The following HDAC4 variants were observed in gnomAD, a reference collection of about 807,000 sequenced individuals.
The protein encoded by HDAC4 is histone deacetylase A.
HDAC4 carries 16 observed loss-of-function variants against 135.1 expected under a neutral mutation model. The ratio of observed to expected loss-of-function variants is 0.12; its 90% confidence interval spans 0.08 to 0.18. HDAC4 has a LOEUF of 0.18. HDAC4 is among the 10% of genes least tolerant of loss of function. HDAC4 has a pLI of 1.00. For synonymous variants in HDAC4, 685 were observed against 653.4 expected (o/e 1.05, Z -0.74); for missense variants, 1,143 against 1,511.8 (o/e 0.76, Z 4.05).
chr2:239,263,141 C>T (rs2049476495), intron 2 of HDAC4, among the ~76,000 whole-genome samples: 1 of 152,132 alleles, frequency 6.6e-6, no homozygotes, highest in Non-Finnish European at 1.5e-5. Context: ...ATATGAAAAA[C>T]ACTACCCTCC....
At position 239,390,407 on chromosome 2, in the gene HDAC4, G is replaced by A. The variant is rs113606462; in HGVS notation, c.-220+10571C>T. On this transcript the variant is annotated intron_variant, in intron 1 of 26. Coordinates refer to ENST00000543185, the MANE Select transcript of HDAC4 (RefSeq NM_001378414.1). The stretch of plus-strand genomic sequence containing the variant: ...AAATTAGCCAGCCATGGTGGCATGC[G>A]TCTTTGGTTCCAGCTAATCAGGCAG... Among the ~76,000 whole-genome samples the A allele has an allele frequency of 8.5e-4, 130 of 152,282 alleles. 1 individual carries two copies. The highest frequency in any genetic ancestry group is 2.9e-3 in the African/African-American group (122 of 41,546).
At chr2:239,087,465 A>G (rs2036087048) in intron 19 of HDAC4, 94 bp downstream of exon 19, 2 of 1,262,122 alleles carry the variant, frequency 1.6e-6, no homozygotes, top group South Asian at 1.3e-5. Flanking sequence ...ACAGCAGCCC[A>G]GCTCCCCGCA....
At chr2:239,374,983 T>A (rs1367409718) in intron 1 of HDAC4, among the ~76,000 whole-genome samples, 13 of 151,982 alleles carry the variant, frequency 8.6e-5, no homozygotes, top group African/African-American at 2.9e-4. Context: ...AAGACCCAGG[T>A]GAGGGGTGAC....
At chr2:239,401,162 C>A (rs1696970273), upstream of HDAC4, among the ~76,000 whole-genome samples, 1 of 151,842 alleles carries the variant, frequency 6.6e-6, no homozygotes, top group South Asian at 2.1e-4. Flanking sequence ...ATGAAGAGCT[C>A]GTCAATTACG....
At chr2:239,301,979 C>CACA (rs1355772618) in intron 2 of HDAC4, among the ~76,000 whole-genome samples, 1 of 151,838 alleles carries the variant, frequency 6.6e-6, no homozygotes, top group Non-Finnish European at 1.5e-5. Context: ...AACAAAAAAA[C>CACA]ACAACAACAA....
intron 2 of HDAC4, among the ~76,000 whole-genome samples, chr2:239,315,307 T>C (rs555049138): frequency 2.3e-4 from 35 of 152,308 alleles, no homozygotes; most frequent in Admixed American, 1.3e-3. Flanking sequence ...CTCTTGAGGC[T>C]GTGTCACAGG....
chr2:239,082,244 T>C (rs374987780), intron 20 of HDAC4, 23 bp from the exon 21 acceptor site: 1 of 1,614,138 alleles, frequency 6.2e-7, no homozygotes, highest in Non-Finnish European at 8.5e-7. Flanking sequence ...GGACAACTAC[T>C]TCAGGGCTGA....
chr2:239,274,309 G>T (rs2050225642), intron 2 of HDAC4, among the ~76,000 whole-genome samples: 1 of 152,116 alleles, frequency 6.6e-6, no homozygotes, highest in Non-Finnish European at 1.5e-5. Context: ...AGAGCCAGGG[G>T]ACCTCATGGC....
chr2:239,114,403 A>G (rs2038947921), intron 13 of HDAC4, among the ~76,000 whole-genome samples: 1 of 152,188 alleles, frequency 6.6e-6, no homozygotes, highest in Non-Finnish European at 1.5e-5. Flanking sequence ...CACTTTCCTG[A>G]GGGCACTCTA....
At chr2:239,259,705 C>T (rs1160115169) in intron 2 of HDAC4, among the ~76,000 whole-genome samples, 3 of 152,140 alleles carry the variant, frequency 2.0e-5, no homozygotes, top group Non-Finnish European at 2.9e-5. Context: ...AGATATAGAC[C>T]GAAGTGACAA....
chr2:239,136,490 AT>A (rs1247781455), intron 9 of HDAC4, among the ~76,000 whole-genome samples: 5 of 152,220 alleles, frequency 3.3e-5, no homozygotes, highest in African/African-American at 1.2e-4. Flanking sequence ...TGAAAGATCC[AT>A]GGCTAAGACC....
At chr2:239,194,696 T>G (rs1339532555) in intron 3 of HDAC4, among the ~76,000 whole-genome samples, 3 of 152,234 alleles carry the variant, frequency 2.0e-5, no homozygotes, top group Admixed American at 6.5e-5. Context: ...CCTTCCATTC[T>G]GTGACAGCAC....
intron 2 of HDAC4, among the ~76,000 whole-genome samples, chr2:239,342,787 A>T (rs1374362155): frequency 6.6e-6 from 1 of 152,146 alleles, no homozygotes; most frequent in Non-Finnish European, 1.5e-5. Context: ...GAACAAAGCC[A>T]CCATAAGCCA....
chr2:239,276,329 G>T (rs756306489), intron 2 of HDAC4, among the ~76,000 whole-genome samples: 2 of 152,194 alleles, frequency 1.3e-5, no homozygotes, highest in South Asian at 4.1e-4. Context: ...CAACAGAGAG[G>T]CCTGTCTAAC....
chr2:239,348,686 C>T (rs1226106490), intron 2 of HDAC4, among the ~76,000 whole-genome samples: 2 of 152,258 alleles, frequency 1.3e-5, no homozygotes, highest in East Asian at 1.9e-4. Flanking sequence ...CCTGCCACAG[C>T]GCATCCCCTC....
At chr2:239,060,760 G>C (rs1431984659) in intron 24 of HDAC4, among the ~76,000 whole-genome samples, 1 of 152,270 alleles carries the variant, frequency 6.6e-6, no homozygotes, top group African/African-American at 2.4e-5. Context: ...GACTTGCCCG[G>C]AAGTTCAGCG....
intron 2 of HDAC4, among the ~76,000 whole-genome samples, chr2:239,294,558 T>G (rs1399274731): frequency 6.6e-6 from 1 of 152,128 alleles, no homozygotes; most frequent in Non-Finnish European, 1.5e-5. Context: ...GGTGGGGCTC[T>G]CTCTTTCTGG....
chr2:239,267,238 C>T (rs1232330221), intron 2 of HDAC4, among the ~76,000 whole-genome samples: 1 of 152,214 alleles, frequency 6.6e-6, no homozygotes, highest in African/African-American at 2.4e-5. Flanking sequence ...AAGTTCCCAT[C>T]CACTGCACCT....
chr2:239,112,624 C>T (rs2038778910), intron 13 of HDAC4, among the ~76,000 whole-genome samples: 1 of 152,112 alleles, frequency 6.6e-6, no homozygotes. Flanking sequence ...GGTGCAAACC[C>T]CCATACGAGG....
Sources: gnomAD v4.1 joint callset for allele counts (sites outside exome capture counted in the v4.1 genomes callset) on GRCh38, gnomAD v4.1.1 for gene constraint, MANE v1.5 for transcripts, NCBI Gene and HGNC (gene_info 2026-07-23, HGNC 2026-07-21) for gene names.